KLHL3: variants seen among roughly 807,000 people sequenced by gnomAD.
KLHL3 encodes kelch-like protein 3.
Under a neutral mutation model 70.5 loss-of-function variants are expected in KLHL3, and 19 were observed. The observed-to-expected ratio is 0.27, with a 90% confidence interval of 0.19 to 0.40. KLHL3 has a LOEUF of 0.40. KLHL3 is among the 10% of genes least tolerant of loss of function. The pLI is 1.00. For synonymous variants in KLHL3, 258 were observed against 290.3 expected, an observed-to-expected ratio of 0.89 and a Z score of 1.13; for missense variants, 512 against 771.1, an observed-to-expected ratio of 0.66 and a Z score of 3.98.
intron 8 of KLHL3, among the ~76,000 whole-genome samples, chr5:137,650,891 AAAAG>A (rs148914584): frequency 0.22 from 33,367 of 151,606 alleles, 4,482 homozygotes; most frequent in Middle Eastern, 0.31. Context: ...AGATTTAAAA[AAAAG>A]AAAGAAAGAA....
chr5:137,637,427 G>A (rs202190216), intron 10 of KLHL3, 32 bp from the exon 11 acceptor site: 26 of 1,592,288 alleles, frequency 1.6e-5, no homozygotes, highest in Non-Finnish European at 2.1e-5. Context: ...AGACTTCCGT[G>A]GCACCAGGCC....
At chr5:137,724,657 A>G (rs560951041) in intron 1 of KLHL3, among the ~76,000 whole-genome samples, 59 of 152,322 alleles carry the variant, frequency 3.9e-4, no homozygotes, top group African/African-American at 1.4e-3. Context: ...ATGCACAGGC[A>G]AGGCTTGACA....
At chr5:137,704,474 G>A (rs1752644325) in intron 3 of KLHL3, among the ~76,000 whole-genome samples, 2 of 152,080 alleles carry the variant, frequency 1.3e-5, no homozygotes, top group Admixed American at 6.5e-5. Context: ...AGTGCAAGGC[G>A]GCATTACCAC....
At chr5:137,642,801 T>C (rs1042387836) in intron 8 of KLHL3, among the ~76,000 whole-genome samples, 1 of 152,140 alleles carries the variant, frequency 6.6e-6, no homozygotes, top group African/African-American at 2.4e-5. Context: ...TTCCCATCTT[T>C]TGACTCAACC....
At chr5:137,627,634 A>G (rs967785803) in intron 13 of KLHL3, among the ~76,000 whole-genome samples, 4 of 152,200 alleles carry the variant, frequency 2.6e-5, no homozygotes, top group African/African-American at 9.7e-5. Flanking sequence ...GCAAAGAGGC[A>G]TAAAGGATAT....
chr5:137,720,798 C>T lies in KLHL3; in HGVS notation c.15-214G>A. The T allele has an allele frequency of 2.2e-6, 3 of 1,393,892 alleles. 1 individual carries two copies. In the South Asian group the frequency reaches 4.6e-5, roughly 21 times the overall value. 86.3% of individuals were successfully genotyped at this position (1,393,892 alleles called of 1,614,324 possible). A position where few individuals can be genotyped will look rare whatever the true frequency, so the allele number is the denominator to read the frequency against. ...TGAAGGAAGGCAGGTCATAGCTCAG[C>T]TTCTTCCACCAAGTACTGTGTGATT... is the stretch of plus-strand genomic sequence containing the variant. On this transcript the variant is annotated intron_variant, in intron 1 of 14. Transcript: ENST00000309755.
intron 3 of KLHL3, among the ~76,000 whole-genome samples, chr5:137,699,260 G>A (rs1752516088): frequency 1.3e-5 from 2 of 152,144 alleles, no homozygotes. Flanking sequence ...ATCCATTCGT[G>A]CAAAGAGAAG....
chr5:137,679,482 G>A (rs774797979), intron 5 of KLHL3, among the ~76,000 whole-genome samples: 7 of 152,290 alleles, frequency 4.6e-5, no homozygotes, highest in South Asian at 2.1e-4. Flanking sequence ...GCTGACAGCC[G>A]GAGAAGGGAA....
At chr5:137,640,934 T>C (rs936261444) in intron 8 of KLHL3, among the ~76,000 whole-genome samples, 1 of 152,236 alleles carries the variant, frequency 6.6e-6, no homozygotes, top group African/African-American at 2.4e-5. Context: ...CTATACACAC[T>C]TACATGTGTC....
At chr5:137,673,458 G>A (rs1237696166) in intron 6 of KLHL3, among the ~76,000 whole-genome samples, 1 of 152,106 alleles carries the variant, frequency 6.6e-6, no homozygotes, top group Non-Finnish European at 1.5e-5. Flanking sequence ...CAATGAACTA[G>A]TGATTTTGTG....
intron 8 of KLHL3, among the ~76,000 whole-genome samples, chr5:137,640,526 G>A (rs561076973): frequency 5.3e-5 from 8 of 152,314 alleles, no homozygotes; most frequent in African/African-American, 1.2e-4. Context: ...ATTTCCACAA[G>A]TAAGGTAGTA....
Position 137,639,049 on chromosome 5 carries a change from T to C in KLHL3, c.1123A>G (p.Thr375Ala). The part of the protein sequence containing the change: ...DVYDGVKDQW[T>A]SIASMQERRS... ...CGCTCCTGCATGCTGGCAATGGACG[T>C]CCACTGGTCCTTCACGCCGTCATAC... Residue 375 changes from threonine to alanine, a missense_variant, in exon 10 of 15, where the codon ACG becomes GCG. Transcript: ENST00000309755. The surrounding 1 kb of genome is among the most constrained non-coding windows in gnomAD (Gnocchi z 5.0). The C allele has an allele frequency of 1.9e-6, 3 of 1,614,134 alleles. No homozygotes were observed. The highest frequency in any genetic ancestry group is 2.5e-6 in the Non-Finnish European group (3 of 1,180,010).
intron 6 of KLHL3, among the ~76,000 whole-genome samples, chr5:137,663,804 A>T (rs1013657913): frequency 2.6e-5 from 4 of 152,216 alleles, no homozygotes; most frequent in African/African-American, 9.6e-5. Context: ...ACATGTCAAA[A>T]AGAGCCAGCT....
At chr5:137,661,745 A>G in intron 7 of KLHL3, 170 bp downstream of exon 7, 1 of 527,922 alleles carries the variant, frequency 1.9e-6, no homozygotes, top group Non-Finnish European at 3.4e-6. Context: ...TTTCAAGCCT[A>G]TGCTCTTAAA....
At chr5:137,688,788 T>C (rs1261808553) in intron 5 of KLHL3, among the ~76,000 whole-genome samples, 1 of 152,218 alleles carries the variant, frequency 6.6e-6, no homozygotes, top group Non-Finnish European at 1.5e-5. Context: ...TTAAACGGGA[T>C]GTTGCCAATA....
At chr5:137,626,188 T>A (rs754548437) in intron 13 of KLHL3, among the ~76,000 whole-genome samples, 5 of 152,170 alleles carry the variant, frequency 3.3e-5, no homozygotes, top group Non-Finnish European at 7.3e-5. Flanking sequence ...TATAAGTATG[T>A]AGAGCATATG....
chr5:137,676,626 A>G (rs535580787), intron 6 of KLHL3, among the ~76,000 whole-genome samples: 1 of 152,324 alleles, frequency 6.6e-6, no homozygotes, highest in African/African-American at 2.4e-5. Context: ...ACCAAGGACT[A>G]TACCATGCAT....
At position 137,639,933 on chromosome 5, in the gene KLHL3, A is replaced by G. The variant is rs1170088204; in HGVS notation, c.948T>C (p.Ser316=). 1 of 1,614,162 alleles carries G rather than the reference A, an allele frequency of 6.2e-7. No homozygotes were observed. The highest frequency in any genetic ancestry group is 1.1e-5 in the South Asian group (1 of 91,080). Residue 316 remains serine, a synonymous_variant, in exon 9 of 15, where the codon AGT becomes AGC. Transcript: ENST00000309755. The surrounding 1 kb of genome is among the most constrained non-coding windows in gnomAD (Gnocchi z 5.0). Reference sequence around the variant, plus strand: ...CCTCCTCGAAATCATAGCACTCCACACTGCGGATTGCCTTGGGTGCCTGGC... The same window carrying G: ...CCTCCTCGAAATCATAGCACTCCACGCTGCGGATTGCCTTGGGTGCCTGGC... ...VGGQAPKAIR[S]VECYDFEEDR...
chr5:137,645,270 C>T (rs1245440464), intron 8 of KLHL3, among the ~76,000 whole-genome samples: 2 of 152,212 alleles, frequency 1.3e-5, no homozygotes, highest in African/African-American at 4.8e-5. Context: ...AGGATGCCCA[C>T]TTTCTCCACT....
Sources: gnomAD v4.1 joint callset for allele counts (sites outside exome capture counted in the v4.1 genomes callset) on GRCh38, gnomAD v4.1.1 for gene constraint, Gnocchi (gnomAD v3.1) non-coding constraint, MANE v1.5 for transcripts, NCBI Gene and HGNC (gene_info 2026-07-23, HGNC 2026-07-21) for gene names.